Variants in CNTNAP5 observed in about 807,000 individuals in gnomAD.
CNTNAP5 encodes the protein contactin-associated protein-like 5.
Under a neutral mutation model 150.2 loss-of-function variants are expected in CNTNAP5, and 72 were observed. The observed-to-expected ratio is 0.48, with a 90% CI of 0.40 to 0.58. CNTNAP5 has a LOEUF of 0.58. Ranked by LOEUF, CNTNAP5 falls within the 20% of genes least tolerant of loss-of-function variation. The pLI, the probability that CNTNAP5 is intolerant of heterozygous loss-of-function variation, is 0.00. For synonymous variants in CNTNAP5, 672 were observed against 619.8 expected (o/e 1.08, Z -1.25); for missense variants, 1,636 against 1,626.2 (o/e 1.01, Z -0.10).
intron 3 of CNTNAP5, among the ~76,000 whole-genome samples, chr2:124,345,462 T>C (rs1689715689): frequency 6.6e-6 from 1 of 152,100 alleles, no homozygotes; most frequent in Non-Finnish European, 1.5e-5. Flanking sequence ...CTGCTGTCAT[T>C]AGTATGGGGG....
chr2:124,684,058 A>C (rs181374350), intron 13 of CNTNAP5, among the ~76,000 whole-genome samples: 1 of 152,206 alleles, frequency 6.6e-6, no homozygotes, highest in African/African-American at 2.4e-5. Context: ...GACCATTTGC[A>C]AAATTAATAG....
chr2:124,269,908 C>T (rs72962876), intron 3 of CNTNAP5, among the ~76,000 whole-genome samples: 204 of 152,254 alleles, frequency 1.3e-3, no homozygotes, highest in African/African-American at 4.6e-3. Flanking sequence ...TTGGTCAGAT[C>T]GATATCCCAC....
At chr2:124,481,171 T>A (rs1263859202) in intron 7 of CNTNAP5, among the ~76,000 whole-genome samples, 1 of 152,208 alleles carries the variant, frequency 6.6e-6, no homozygotes, top group Non-Finnish European at 1.5e-5. Flanking sequence ...GTCTTCCTCC[T>A]TCCTCACGTG....
chr2:124,322,962 G>A (rs1213522602), intron 3 of CNTNAP5, among the ~76,000 whole-genome samples: 2 of 152,160 alleles, frequency 1.3e-5, no homozygotes, highest in African/African-American at 4.8e-5. Flanking sequence ...AGAAGGATTA[G>A]ACTATGCTTC....
chr2:124,094,161 T>A (rs543370159), intron 1 of CNTNAP5, among the ~76,000 whole-genome samples: 5 of 152,300 alleles, frequency 3.3e-5, no homozygotes, highest in African/African-American at 1.2e-4. Flanking sequence ...ACGTGCAAAC[T>A]CAAATTGTTT....
intron 3 of CNTNAP5, among the ~76,000 whole-genome samples, chr2:124,324,217 A>T (rs1173599502): frequency 6.6e-6 from 1 of 152,114 alleles, no homozygotes; most frequent in Non-Finnish European, 1.5e-5. Flanking sequence ...GTATTCTTGG[A>T]ATTCTGGTGG....
At chr2:124,214,106 G>A (rs147855010) in intron 1 of CNTNAP5, among the ~76,000 whole-genome samples, 101 of 152,244 alleles carry the variant, frequency 6.6e-4, no homozygotes, top group African/African-American at 2.4e-3. Flanking sequence ...CATGGAATAA[G>A]GTGATGGTCT....
intron 3 of CNTNAP5, among the ~76,000 whole-genome samples, chr2:124,251,467 CT>C (rs11311025): frequency 0.75 from 106,997 of 143,036 alleles, 39,819 homozygotes; most frequent in South Asian, 0.8. Flanking sequence ...GCTGTGGGTG[CT>C]TTTTTTTTTT....
chr2:124,822,644 C>T (rs1054974070), intron 19 of CNTNAP5, among the ~76,000 whole-genome samples: 1 of 152,086 alleles, frequency 6.6e-6, no homozygotes, highest in South Asian at 2.1e-4. Context: ...AGAAACAGAT[C>T]GACATCTCTA....
At chr2:124,343,297 T>G (rs1279846449) in intron 3 of CNTNAP5, among the ~76,000 whole-genome samples, 1 of 152,222 alleles carries the variant, frequency 6.6e-6, no homozygotes, top group Non-Finnish European at 1.5e-5. Context: ...GGACACATAT[T>G]AATAACATAC....
At chr2:124,378,051 A>T (rs1438573829) in intron 3 of CNTNAP5, among the ~76,000 whole-genome samples, 2 of 152,070 alleles carry the variant, frequency 1.3e-5, no homozygotes, top group Non-Finnish European at 2.9e-5. Context: ...TCATTTTGGC[A>T]CCATTGCACT....
chr2:124,228,782 T>C (rs1686535282), intron 2 of CNTNAP5, among the ~76,000 whole-genome samples: 2 of 152,110 alleles, frequency 1.3e-5, no homozygotes, highest in African/African-American at 2.4e-5. Context: ...CATTCAGCCT[T>C]CCAACACTCT....
At position 124,238,964 on chromosome 2, in the gene CNTNAP5, G is replaced by T. The variant is rs541695902; in HGVS notation, c.188-3236G>T. On this transcript the variant is annotated intron_variant, in intron 2 of 23. Transcript: ENST00000682447. ...TCTTCAACAGCAGGAAAGAGTCCTC[G>T]GCAATTATCACCCAGATAGCATCCC... is the stretch of plus-strand genomic sequence containing the variant. Among the ~76,000 whole-genome samples the T allele has an allele frequency of 2.6e-5, 4 of 152,240 alleles. No homozygotes were observed. The East Asian group carries it at 7.7e-4, about 29-fold the overall frequency.
chr2:124,693,853 A>C (rs1679350402), intron 13 of CNTNAP5, among the ~76,000 whole-genome samples: 1 of 151,766 alleles, frequency 6.6e-6, no homozygotes, highest in Admixed American at 6.6e-5. Flanking sequence ...AAAAAAAAAA[A>C]ACCAACCAAC....
chr2:124,060,454 G>A (rs374413587), intron 1 of CNTNAP5, among the ~76,000 whole-genome samples: 11 of 152,300 alleles, frequency 7.2e-5, no homozygotes, highest in East Asian at 3.9e-4. Flanking sequence ...CTACACTTAC[G>A]TCTGAGAAGC....
At chr2:124,713,310 CT>C (rs757996102) in intron 13 of CNTNAP5, among the ~76,000 whole-genome samples, 1 of 72,778 alleles carries the variant, frequency 1.4e-5, no homozygotes, top group Non-Finnish European at 2.9e-5. Flanking sequence ...TCTTCTTTCT[CT>C]TTCTTTCCTT....
chr2:124,413,364 A>G (rs1691828021), intron 3 of CNTNAP5, among the ~76,000 whole-genome samples: 1 of 150,438 alleles, frequency 6.6e-6, no homozygotes, highest in East Asian at 2.0e-4. Context: ...CATTTGACGC[A>G]GCCATCCCAT....
intron 1 of CNTNAP5, among the ~76,000 whole-genome samples, chr2:124,192,937 T>C (rs1206746226): frequency 6.6e-6 from 1 of 152,220 alleles, no homozygotes; most frequent in Non-Finnish European, 1.5e-5. Flanking sequence ...AATTTCAAAA[T>C]GAAGGAGTTT....
chr2:124,330,892 C>T (rs953961475), intron 3 of CNTNAP5, among the ~76,000 whole-genome samples: 5 of 152,022 alleles, frequency 3.3e-5, no homozygotes, highest in East Asian at 3.9e-4. Flanking sequence ...GAATCAGCAA[C>T]GTTTCAAACA....
Sources: gnomAD v4.1 joint callset for allele counts (sites outside exome capture counted in the v4.1 genomes callset) on GRCh38, gnomAD v4.1.1 for gene constraint, MANE v1.5 for transcripts, NCBI Gene and HGNC (gene_info 2026-07-23, HGNC 2026-07-21) for gene names.